The following PDGFC variants were observed in gnomAD, a reference collection of about 807,000 sequenced individuals.
PDGFC encodes the protein platelet-derived growth factor C.
Under a neutral mutation model 35.5 loss-of-function variants are expected in PDGFC, and 12 were observed. The ratio of observed to expected loss-of-function variants is 0.34; its 90% confidence interval spans 0.22 to 0.55. The LOEUF is 0.55. Among genes scored for constraint, PDGFC ranks in the 20% least tolerant of loss-of-function variants. PDGFC has a pLI of 0.91. For missense variants in PDGFC, 322 were observed against 412.4 expected (o/e 0.78, Z 1.90); for synonymous variants, 159 against 148.8 (o/e 1.07, Z -0.50).
At chr4:156,840,103 G>A (rs1729161472) in intron 2 of PDGFC, among the ~76,000 whole-genome samples, 1 of 152,224 alleles carries the variant, frequency 6.6e-6, no homozygotes, top group Admixed American at 6.5e-5. Context: ...ACAGCAATTT[G>A]CATAAGTAAC....
At chr4:156,932,799 T>A (rs565569132) in intron 1 of PDGFC, among the ~76,000 whole-genome samples, 39 of 149,550 alleles carry the variant, frequency 2.6e-4, no homozygotes, top group African/African-American at 8.6e-4. Context: ...TAATGATAAA[T>A]GACGAGTTAA....
intron 2 of PDGFC, among the ~76,000 whole-genome samples, chr4:156,830,509 T>C (rs1728901262): frequency 6.6e-6 from 1 of 151,692 alleles, no homozygotes; most frequent in Non-Finnish European, 1.5e-5. Flanking sequence ...GCTTTAGTCA[T>C]TTTGGTCATT....
intron 1 of PDGFC, among the ~76,000 whole-genome samples, chr4:156,897,786 A>C (rs1730670676): frequency 1.3e-5 from 2 of 152,210 alleles, no homozygotes; most frequent in Admixed American, 1.3e-4. Context: ...TGAATAAAAC[A>C]CATAAAAAGT....
chr4:156,867,209 T>C (rs1209867454), intron 1 of PDGFC, among the ~76,000 whole-genome samples: 1 of 152,202 alleles, frequency 6.6e-6, no homozygotes, highest in Admixed American at 6.5e-5. Context: ...ATATTCTAAG[T>C]AGATCTAGAT....
chr4:156,965,103 G>A (rs193250132), intron 1 of PDGFC, among the ~76,000 whole-genome samples: 4 of 152,262 alleles, frequency 2.6e-5, no homozygotes, highest in African/African-American at 4.8e-5. Context: ...AGAGTAAAAC[G>A]TGGTACTCTG....
At chr4:156,901,582 C>A (rs910300021) in intron 1 of PDGFC, among the ~76,000 whole-genome samples, 1 of 151,356 alleles carries the variant, frequency 6.6e-6, no homozygotes, top group South Asian at 2.1e-4. Flanking sequence ...GGGCAATGGC[C>A]GGGTATCTAT....
chr4:156,865,300 T>C (rs1398965207), intron 1 of PDGFC, among the ~76,000 whole-genome samples: 1 of 152,224 alleles, frequency 6.6e-6, no homozygotes, highest in South Asian at 2.1e-4. Context: ...ATAAAATTAG[T>C]TGATATACTG....
At chr4:156,799,131 G>A (rs934594906) in intron 3 of PDGFC, among the ~76,000 whole-genome samples, 2 of 152,134 alleles carry the variant, frequency 1.3e-5, no homozygotes, top group African/African-American at 4.8e-5. Flanking sequence ...GATAATTCAT[G>A]TACTCCTTTA....
chr4:156,853,878 G>A (rs1225385011), intron 1 of PDGFC, among the ~76,000 whole-genome samples: 1 of 152,088 alleles, frequency 6.6e-6, no homozygotes, highest in Admixed American at 6.6e-5. Flanking sequence ...TGGAAGGATC[G>A]CTTAAGCCCA....
chr4:156,967,940 C>T (rs1028603727), intron 1 of PDGFC, among the ~76,000 whole-genome samples: 4 of 152,250 alleles, frequency 2.6e-5, no homozygotes, highest in African/African-American at 9.6e-5. Flanking sequence ...ATGAAGTCAA[C>T]TTATAATATT....
chr4:156,945,467 A>T (rs1454614886), intron 1 of PDGFC, among the ~76,000 whole-genome samples: 1 of 149,372 alleles, frequency 6.7e-6, no homozygotes, highest in Non-Finnish European at 1.5e-5. Flanking sequence ...AAGATTTATA[A>T]GAAAAAAGGA....
intron 3 of PDGFC, among the ~76,000 whole-genome samples, chr4:156,800,042 A>G (rs899273651): frequency 6.6e-6 from 1 of 152,256 alleles, no homozygotes; most frequent in African/African-American, 2.4e-5. Context: ...TTCTTTCTCA[A>G]TGATCTTTCT....
chr4:156,829,610 A>G (rs1728875861), intron 2 of PDGFC, among the ~76,000 whole-genome samples: 1 of 152,172 alleles, frequency 6.6e-6, no homozygotes, highest in South Asian at 2.1e-4. Flanking sequence ...GATTCCTACC[A>G]TATCCTTTGA....
At chr4:156,955,875 T>C (rs965075762) in intron 1 of PDGFC, among the ~76,000 whole-genome samples, 3 of 152,024 alleles carry the variant, frequency 2.0e-5, no homozygotes, top group African/African-American at 7.2e-5. Flanking sequence ...ATAGGCTTTG[T>C]ACTCTCTCAC....
intron 4 of PDGFC, 135 bp from the exon 5 acceptor site, chr4:156,768,125 G>T (rs1221824320): frequency 9.3e-6 from 6 of 643,502 alleles, no homozygotes; most frequent in Admixed American, 2.7e-5. Flanking sequence ...CGCTCTTATT[G>T]TAAGTAGATT....
At chr4:156,968,114 A>G (rs577723783) in intron 1 of PDGFC, among the ~76,000 whole-genome samples, 1 of 152,194 alleles carries the variant, frequency 6.6e-6, no homozygotes, top group African/African-American at 2.4e-5. Context: ...CATTGGCTAC[A>G]GCAATCAATT....
In PDGFC at chr4:156,934,837, A is replaced by G. The variant is rs578145727; in HGVS notation, c.118+35949T>C. Among the ~76,000 whole-genome samples the G allele has an allele frequency of 1.9e-4, 29 of 152,308 alleles. No homozygotes were observed. The South Asian group carries it at 6.0e-3, about 32-fold the overall frequency. ...GGCCTTCACAGGATCAGGACCATCAATATCACTGTCTTCCACCTCTATATT... is the reference window on the plus strand; with the variant it reads ...GGCCTTCACAGGATCAGGACCATCAGTATCACTGTCTTCCACCTCTATATT... On this transcript the variant is annotated intron_variant, in intron 1 of 5. Transcript: ENST00000502773.
At chr4:156,821,281 T>C (rs1302146234) in intron 2 of PDGFC, among the ~76,000 whole-genome samples, 2 of 151,804 alleles carry the variant, frequency 1.3e-5, no homozygotes, top group Non-Finnish European at 2.9e-5. Context: ...CAGGCTGGAG[T>C]ACAGTGGTGC....
At chr4:156,843,860 A>G (rs1729263534) in intron 2 of PDGFC, among the ~76,000 whole-genome samples, 1 of 152,158 alleles carries the variant, frequency 6.6e-6, no homozygotes, top group African/African-American at 2.4e-5. Flanking sequence ...GCCAAGGACA[A>G]TAACTTTACT....
Sources: allele counts gnomAD v4.1 joint callset (sites outside exome capture counted in the v4.1 genomes callset), GRCh38; gene constraint gnomAD v4.1.1; transcripts MANE v1.5; gene names NCBI Gene and HGNC (gene_info 2026-07-23, HGNC 2026-07-21).